MUC4: variants seen among roughly 807,000 people sequenced by gnomAD.
MUC4 encodes mucin 4, cell surface associated.
A neutral mutation model predicts 257.9 loss-of-function variants in MUC4; 202 were observed. The ratio of observed to expected loss-of-function variants is 0.78; its 90% CI spans 0.70 to 0.88. MUC4 has a LOEUF of 0.88. Among genes scored for constraint, MUC4 ranks in the 40% least tolerant of loss-of-function variants. The pLI is 0.00. For missense variants in MUC4, 5,976 were observed against 6,513.7 expected (o/e 0.92, Z 2.84); for synonymous variants, 2,351 against 2,757.1 (o/e 0.85, Z 4.62).
At chr3:195,799,457 T>G (rs904381713) in intron 1 of MUC4, among the ~76,000 whole-genome samples, 1 of 152,132 alleles carries the variant, frequency 6.6e-6, no homozygotes, top group Non-Finnish European at 1.5e-5. Context: ...TGTGCCACCA[T>G]GCCAGGCTAA....
chr3:195,754,222 G>C lies in MUC4; in HGVS notation c.15319C>G (p.His5107Asp). 6.2e-7 allele frequency: 1 copy of C among 1,613,476 alleles called. No individual in the cohort carries two copies. The highest frequency in any genetic ancestry group is 8.5e-7 in the Non-Finnish European group (1 of 1,179,740). Residue 5107 changes from histidine (H) to aspartate (D), a missense_variant, in exon 19 of 25, where the codon CAC becomes GAC. Around this residue, in one of 44 missense-constraint regions of MUC4, gnomAD observed 996 missense variants for 1,137.3 expected, o/e 0.88. Coordinates refer to ENST00000463781, the MANE Select transcript of MUC4 (RefSeq NM_018406.7). ...CPPNLTGDGR[H>D]CAALGSSFLC... ...CCTGTTCCCGGCTCACCCGCACAGT[G>C]CCGCCCATCCCCAGTCAGGTTTGGA...
At position 195,810,616 on chromosome 3, in the gene MUC4, A is replaced by T. The variant is rs1371404685; in HGVS notation, c.82+1120T>A. 6.6e-6 allele frequency among the ~76,000 whole-genome samples: 1 copy of T among 152,010 alleles called. No individual in the cohort carries two copies. Among genetic ancestry groups the T allele is most frequent in the Non-Finnish European group, 1.5e-5 (1 of 67,990 alleles). On this transcript the variant is annotated intron_variant, in intron 1 of 24. Coordinates refer to ENST00000463781, the MANE Select transcript of MUC4 (RefSeq NM_018406.7). The surrounding 1 kb of genome is among the most constrained non-coding windows in gnomAD (Gnocchi z 4.2). ...ACCCAAATGGAGGCTTTTAAACCCG[A>T]GCTCAGAGGTAAGAAGCCCACGGCC...
rs1451760525 is a variant in MUC4 at position 195,782,577 on chromosome 3, T to A, written c.9003A>T (p.Ala3001=). 2.0e-5 allele frequency: 18 copies of A among 908,006 alleles called. 4 individuals are homozygous for A. The highest frequency in any genetic ancestry group is 2.8e-5 in the Non-Finnish European group (18 of 641,938). 56.2% of individuals were successfully genotyped at this position (908,006 alleles called of 1,614,324 possible). The part of the protein sequence containing the change: ...TLLPVTDTSS[A]SIGHATSLPV... ...GAAGAGAGGTGGCGTGACCTATGGATGCTGAGGAAGTGTCGGTGACAGGAA... is the reference window on the plus strand; with the variant it reads ...GAAGAGAGGTGGCGTGACCTATGGAAGCTGAGGAAGTGTCGGTGACAGGAA... The change falls in exon 2 of 25, where the codon GCA becomes GCT. Residue 3001 remains alanine, a synonymous_variant. Coordinates refer to ENST00000463781, the MANE Select transcript of MUC4 (RefSeq NM_018406.7).
chr3:195,767,861 C>A (rs904924701), intron 7 of MUC4, among the ~76,000 whole-genome samples: 87 of 95,394 alleles, frequency 9.1e-4, no homozygotes, highest in African/African-American at 2.0e-3. Context: ...CACCATCACC[C>A]CCAACACCAC....
At position 195,786,835 on chromosome 3, in the gene MUC4, G is replaced by C. The variant is rs1169898236; in HGVS notation, c.4745C>G (p.Thr1582Ser). Residue 1582 changes from threonine (T) to serine (S), a missense_variant, in exon 2 of 25, where the codon ACC becomes AGC. Thr to Ser is a moderately conservative substitution (Grantham distance 58, BLOSUM62 1). This residue lies in a region of MUC4 where 63 missense variants were observed against 68.8 expected (regional missense o/e 0.92). Transcript: ENST00000463781. ...TSPSSASTGH[T>S]TPLPVTDTSS... The stretch of plus-strand genomic sequence containing the variant: ...AGTGTCGGTGACAGGAAGAGGGGTG[G>C]TGTGACCTGTAGATGCTGAGGAAGG... 5.9e-6 allele frequency: 9 copies of C among 1,526,782 alleles called. No individual in the cohort carries two copies. Among genetic ancestry groups the C allele is most frequent in the African/African-American group, 1.4e-5 (1 of 69,914 alleles). 94.6% of individuals were successfully genotyped at this position (1,526,782 alleles called of 1,614,324 possible).
chr3:195,791,121 C>G lies in MUC4; in HGVS notation c.459G>C (p.Glu153Asp), dbSNP rs1274430581. Reference protein sequence around the residue: ...STDSTLGNTEETSTAGTESST... With the variant: ...STDSTLGNTEDTSTAGTESST... ...AACTTTCAGTTCCTGCTGTTGATGT[C>G]TCTTCTGTGTTTCCAAGAGTGGAGT... The change falls in exon 2 of 25, where the codon GAG becomes GAC. Residue 153 changes from glutamate to aspartate, a missense_variant. Around this residue, in one of 44 missense-constraint regions of MUC4, gnomAD observed 1,583 missense variants for 1,257.4 expected, o/e 1.26. Coordinates refer to ENST00000463781, the MANE Select transcript of MUC4 (RefSeq NM_018406.7). The G allele has an allele frequency of 1.2e-6, 2 of 1,613,802 alleles. No homozygotes were observed. Among genetic ancestry groups the G allele is most frequent in the Middle Eastern group, 1.6e-4 (1 of 6,062 alleles).
chr3:195,797,313 C>T (rs1331297968), intron 1 of MUC4, among the ~76,000 whole-genome samples: 1 of 144,210 alleles, frequency 6.9e-6, no homozygotes, highest in South Asian at 2.2e-4. Flanking sequence ...ACATCATGAT[C>T]AAGCTGAGTT....
At chr3:195,778,747 G>A in intron 2 of MUC4, 43 bp downstream of exon 2, 2 of 1,554,100 alleles carry the variant, frequency 1.3e-6, no homozygotes, top group Non-Finnish European at 8.7e-7. Flanking sequence ...ATTCCGCCAA[G>A]GGGCCCACTG....
rs562091046 is a variant in MUC4 at position 195,780,033 on chromosome 3, T to A, written c.11547A>T (p.Val3849=). 5 of 729,478 alleles carry A rather than the reference T, an allele frequency of 6.9e-6. No homozygotes were observed. Among genetic ancestry groups the A allele is most frequent in the East Asian group, 9.8e-5 (1 of 10,182 alleles). The allele number at this position is 729,478 out of a possible 1,614,324, so 45.2% of individuals were successfully genotyped here. A position where few individuals can be genotyped will look rare whatever the true frequency, so the allele number is the denominator to read the frequency against. ...TPLPVTIPSS[V]STGDTMPLPV... is the part of the protein sequence containing the mutation. ...GAAGAGGCATGGTGTCACCTGTGGA[T>A]ACTGAGGAAGGGATGGTGACAGGAA... Residue 3849 remains valine, a synonymous_variant, in exon 2 of 25, where the codon GTA becomes GTT. Coordinates refer to ENST00000463781, the MANE Select transcript of MUC4 (RefSeq NM_018406.7).
chr3:195,790,768 C>T lies in MUC4; in HGVS notation c.812G>A (p.Gly271Asp). Reference protein sequence around the residue: ...SEKITVTTSTGSTLGNPGETS... With the variant: ...SEKITVTTSTDSTLGNPGETS... ...CTCCCCTGGGTTTCCAAGAGTGGAG[C>T]CTGTGGAGGTTGTCACTGTTATCTT... The change falls in exon 2 of 25, where the codon GGC becomes GAC. Residue 271 changes from glycine to aspartate, a missense_variant. Coordinates refer to ENST00000463781, the MANE Select transcript of MUC4 (RefSeq NM_018406.7). 2 of 1,613,828 alleles carry T rather than the reference C, an allele frequency of 1.2e-6. No homozygotes were observed. Among genetic ancestry groups the T allele is most frequent in the Non-Finnish European group, 1.7e-6 (2 of 1,179,842 alleles).
intron 1 of MUC4, among the ~76,000 whole-genome samples, chr3:195,792,496 G>C (rs746937164): frequency 6.6e-6 from 1 of 152,224 alleles, no homozygotes; most frequent in Non-Finnish European, 1.5e-5. Context: ...TGCTGGCAAG[G>C]CTGTGGTGAA....
chr3:195,765,492 G>A (rs764552796), intron 8 of MUC4, 43 bp from the exon 9 acceptor site: 2 of 1,570,690 alleles, frequency 1.3e-6, no homozygotes, highest in Admixed American at 1.8e-5. Flanking sequence ...CCAGGGCTGG[G>A]GCTGCAGGCC....
In MUC4 at chr3:195,784,937, A is replaced by G; in HGVS notation, c.6643T>C (p.Ser2215Pro). The G allele has an allele frequency of 7.0e-7, 1 of 1,436,408 alleles. No individual in the cohort carries two copies. Among genetic ancestry groups the G allele is most frequent in the Non-Finnish European group, 9.5e-7 (1 of 1,054,482 alleles). 89.0% of individuals were successfully genotyped at this position (1,436,408 alleles called of 1,614,324 possible). ...QATPLPVTSP[S>P]SASTGHAIPL... is the part of the protein sequence containing the mutation. ...ATGGCGTGACCTGTGGATGCTGAGG[A>G]AGGGCTGGTGACAGGAAGAGGGGTG... The change falls in exon 2 of 25, where the codon TCC becomes CCC. Residue 2215 changes from serine (S) to proline (P), a missense_variant. This residue lies in a region of MUC4 where 85 missense variants were observed against 325.0 expected (regional missense o/e 0.26). Transcript: ENST00000463781.
chr3:195,753,247 G>C lies in MUC4; in HGVS notation c.15329-17C>G. The C allele has an allele frequency of 6.2e-7, 1 of 1,612,786 alleles. No individual in the cohort carries two copies. The highest frequency in any genetic ancestry group is 8.5e-7 in the Non-Finnish European group (1 of 1,179,164). ...TCCCCAGAGCTGCAGAGTGAGTAGG[G>C]AGGTCAGCAGCAGCGCGCAGGGCAG... is the stretch of plus-strand genomic sequence containing the variant. On this transcript the variant is annotated splice_polypyrimidine_tract_variant and intron_variant, in intron 19 of 24. Transcript: ENST00000463781.
intron 1 of MUC4, among the ~76,000 whole-genome samples, chr3:195,807,043 G>C (rs1380293518): frequency 3.9e-5 from 6 of 152,186 alleles, no homozygotes; most frequent in Non-Finnish European, 7.3e-5. Context: ...GGGGAGTGGA[G>C]CTGCGGGCAA....
At chr3:195,805,828 A>G (rs1735918712) in intron 1 of MUC4, among the ~76,000 whole-genome samples, 1 of 151,860 alleles carries the variant, frequency 6.6e-6, no homozygotes, top group Non-Finnish European at 1.5e-5. Context: ...CAAAATCCAT[A>G]ATCTGGGCCG....
rs762992327 is a variant in MUC4 at position 195,789,680 on chromosome 3, C to T, written c.1900G>A (p.Val634Ile). 1 of 1,613,898 alleles carries T rather than the reference C, an allele frequency of 6.2e-7. No individual in the cohort carries two copies. The highest frequency in any genetic ancestry group is 8.5e-7 in the Non-Finnish European group (1 of 1,179,846). ...GCTTGAGTGTGACCCCTTTGGGAAA[C>T]AGCTGGTGATTCCTGAGGAGAGGTG... is the stretch of plus-strand genomic sequence containing the variant. ...TSTSPQESPA[V>I]SQRGHTQAPQ... The change falls in exon 2 of 25, where the codon GTT (valine) becomes ATT (isoleucine). Residue 634 changes from valine to isoleucine, a missense_variant. Transcript: ENST00000463781.
In MUC4 at chr3:195,810,652, G is replaced by A. The variant is rs775507721; in HGVS notation, c.82+1084C>T. ...AAGAAGCCCACGGCCAGCACCTCCCGGCCCTCTGCGCCCTGGCCGCCTCCT... is the reference window on the plus strand; with the variant it reads ...AAGAAGCCCACGGCCAGCACCTCCCAGCCCTCTGCGCCCTGGCCGCCTCCT... On this transcript the variant is annotated intron_variant, in intron 1 of 24. Transcript: ENST00000463781. The surrounding 1 kb of genome is among the most constrained non-coding windows in gnomAD (Gnocchi z 4.2). Among the ~76,000 whole-genome samples the A allele has an allele frequency of 1.2e-4, 18 of 152,124 alleles. No homozygotes were observed. Among genetic ancestry groups the A allele is most frequent in the African/African-American group, 3.1e-4 (13 of 41,416 alleles).
In MUC4 at chr3:195,748,899, C is replaced by G. The variant is rs757943890; in HGVS notation, c.16034+3G>C. 1.9e-6 allele frequency: 3 copies of G among 1,575,664 alleles called. No individual in the cohort carries two copies. The highest frequency in any genetic ancestry group is 2.6e-6 in the Non-Finnish European group (3 of 1,162,316). ...TCCACCTCCTGGCCACAGCCCTATG[C>G]ACCTGCAGCGGGGCCCACTGGGCAG... On this transcript the variant is annotated splice_donor_region_variant and intron_variant, in intron 24 of 24. Transcript: ENST00000463781.
Sources: allele counts gnomAD v4.1 joint callset (sites outside exome capture counted in the v4.1 genomes callset), GRCh38; gene constraint gnomAD v4.1.1; regional missense constraint gnomAD v4.1.1; non-coding constraint Gnocchi (gnomAD v3.1); transcripts MANE v1.5; gene names NCBI Gene and HGNC (gene_info 2026-07-23, HGNC 2026-07-21).